KLF12: variants seen among roughly 807,000 people sequenced by gnomAD.
The protein encoded by KLF12 is Krueppel-like factor 12.
Under a neutral mutation model 37.8 loss-of-function variants are expected in KLF12, and 9 were observed. The observed-to-expected ratio is 0.24, with a 90% confidence interval of 0.14 to 0.42. The LOEUF (loss-of-function observed/expected upper bound fraction) is 0.42. KLF12 is among the 10% of genes least tolerant of loss of function. The pLI, the probability that KLF12 is intolerant of heterozygous loss-of-function variation, is 1.00. For missense variants in KLF12, 411 were observed against 516.0 expected, an observed-to-expected ratio of 0.80 and a Z score of 1.97; for synonymous variants, 208 against 202.1, an observed-to-expected ratio of 1.03 and a Z score of -0.25.
chr13:73,753,729 G>C (rs765243180), intron 6 of KLF12, among the ~76,000 whole-genome samples: 2 of 150,494 alleles, frequency 1.3e-5, no homozygotes, highest in African/African-American at 2.4e-5. Flanking sequence ...AAGTGACATA[G>C]AACTTAAATA....
At chr13:74,305,670 C>T in the KLF12 span, among the ~76,000 whole-genome samples, 8 of 152,012 alleles carry the variant, frequency 5.3e-5, no homozygotes, top group East Asian at 5.8e-4. Context: ...TTCGTCTCCC[C>T]GAAAATATCT....
chr13:73,998,335 T>A (rs999340586), intron 1 of KLF12, among the ~76,000 whole-genome samples: 1 of 152,176 alleles, frequency 6.6e-6, no homozygotes, highest in Non-Finnish European at 1.5e-5. Flanking sequence ...ATAAGTATAC[T>A]TGTTGCTAGA....
chr13:74,136,563 G>T (rs538273019), upstream of KLF12, among the ~76,000 whole-genome samples: 17 of 152,332 alleles, frequency 1.1e-4, no homozygotes, highest in South Asian at 2.9e-3. Flanking sequence ...GCTCTTTCTC[G>T]AGTGAGCTGA....
At chr13:73,923,659 G>C (rs1001635241) in intron 3 of KLF12, among the ~76,000 whole-genome samples, 2 of 152,174 alleles carry the variant, frequency 1.3e-5, no homozygotes, top group Non-Finnish European at 2.9e-5. Context: ...CAATGAACCA[G>C]GGACCTTATT....
chr13:74,066,061 TA>T (rs1411819844), intron 1 of KLF12, among the ~76,000 whole-genome samples: 3 of 151,958 alleles, frequency 2.0e-5, no homozygotes, highest in Non-Finnish European at 4.4e-5. Flanking sequence ...GGGAGGTGCA[TA>T]AACAGAAAAT....
upstream of KLF12, among the ~76,000 whole-genome samples, chr13:74,136,790 A>G (rs1878569731): frequency 6.6e-6 from 1 of 152,200 alleles, no homozygotes; most frequent in South Asian, 2.1e-4. Context: ...TAAAAAAAAA[A>G]AAAAGTACAT....
At chr13:73,720,815 G>A (rs1004030072) in intron 6 of KLF12, among the ~76,000 whole-genome samples, 1 of 152,126 alleles carries the variant, frequency 6.6e-6, no homozygotes, top group African/African-American at 2.4e-5. Context: ...GGTAATAAAA[G>A]ACCACTCGTC....
intron 4 of KLF12, among the ~76,000 whole-genome samples, chr13:73,839,455 T>C (rs1317545595): frequency 6.6e-6 from 1 of 152,056 alleles, no homozygotes; most frequent in Non-Finnish European, 1.5e-5. Flanking sequence ...CTATTAATGT[T>C]TAAATGTAAA....
chr13:73,739,763 C>T (rs1295745318), intron 6 of KLF12, among the ~76,000 whole-genome samples: 6 of 152,178 alleles, frequency 3.9e-5, no homozygotes, highest in Admixed American at 2.6e-4. Flanking sequence ...TTTACATAGA[C>T]ATGATGATAA....
chr13:74,162,001 T>C, the KLF12 span, among the ~76,000 whole-genome samples: 3 of 152,218 alleles, frequency 2.0e-5, no homozygotes, highest in African/African-American at 7.2e-5. Context: ...ATTTCTCTTA[T>C]AAGAAAATAT....
intron 3 of KLF12, among the ~76,000 whole-genome samples, chr13:73,860,093 C>G (rs1885837849): frequency 6.6e-6 from 1 of 152,108 alleles, no homozygotes; most frequent in Non-Finnish European, 1.5e-5. Flanking sequence ...GAGTTCCGGT[C>G]TGGGTTGCGT....
At chr13:73,753,589 G>C (rs1878936472) in intron 6 of KLF12, among the ~76,000 whole-genome samples, 1 of 151,272 alleles carries the variant, frequency 6.6e-6, no homozygotes, top group Non-Finnish European at 1.5e-5. Context: ...GATCATTGCA[G>C]GCACAATAAT....
At chr13:74,135,522 G>A (rs963235607), upstream of KLF12, among the ~76,000 whole-genome samples, 2 of 151,586 alleles carry the variant, frequency 1.3e-5, no homozygotes, top group Non-Finnish European at 2.9e-5. Flanking sequence ...TCCCGCGGCG[G>A]CTCGGAGGGC....
At chr13:74,008,878 A>G (rs371197039) in intron 1 of KLF12, among the ~76,000 whole-genome samples, 23 of 152,234 alleles carry the variant, frequency 1.5e-4, no homozygotes, top group African/African-American at 5.3e-4. Context: ...AACCTGCTTC[A>G]GGCAGGAATA....
intron 1 of KLF12, among the ~76,000 whole-genome samples, chr13:74,009,827 C>T (rs1892504715): frequency 6.6e-6 from 1 of 152,230 alleles, no homozygotes. Context: ...CCAGGAGCCA[C>T]TGGCAGACTG....
At chr13:73,991,906 C>T (rs772738206) in intron 2 of KLF12, among the ~76,000 whole-genome samples, 1 of 152,230 alleles carries the variant, frequency 6.6e-6, no homozygotes, top group Non-Finnish European at 1.5e-5. Context: ...ACAAGCTACA[C>T]AACCATCACT....
At chr13:74,154,393 A>G in the KLF12 span, among the ~76,000 whole-genome samples, 1 of 152,362 alleles carries the variant, frequency 6.6e-6, no homozygotes, top group Admixed American at 6.5e-5. Flanking sequence ...ACAAAATTAT[A>G]GTAGCTACAT....
chr13:73,888,275 A>AT (rs972118245), intron 3 of KLF12, among the ~76,000 whole-genome samples: 4 of 152,166 alleles, frequency 2.6e-5, no homozygotes, highest in Non-Finnish European at 4.4e-5. Flanking sequence ...AATTGTTGCA[A>AT]TTACAGTCCT....
chr13:74,214,962 T>A, the KLF12 span, among the ~76,000 whole-genome samples: 1 of 152,018 alleles, frequency 6.6e-6, no homozygotes, highest in South Asian at 2.1e-4. Context: ...ACCTGGCTAA[T>A]TTTGTATTTT....
Sources: gnomAD v4.1 joint callset for allele counts (sites outside exome capture counted in the v4.1 genomes callset) on GRCh38, gnomAD v4.1.1 for gene constraint, MANE v1.5 for transcripts, NCBI Gene and HGNC (gene_info 2026-07-23, HGNC 2026-07-21) for gene names.